The following ALCAM variants were observed in gnomAD, a reference collection of about 807,000 sequenced individuals.
ALCAM encodes CD166 antigen.
In ALCAM, 30 loss-of-function variants were observed where a neutral mutation model predicts 70.9. The ratio of observed to expected loss-of-function variants is 0.42; its 90% CI spans 0.32 to 0.57. The LOEUF (loss-of-function observed/expected upper bound fraction) is 0.57. Among genes scored for constraint, ALCAM ranks in the 20% least tolerant of loss-of-function variants. The probability of loss-of-function intolerance (pLI) is 0.11; values close to 1 mark genes in which losing one functional copy is unlikely to be tolerated. For synonymous variants in ALCAM, 249 were observed against 242.5 expected (o/e 1.03, Z -0.25); for missense variants, 591 against 695.1 (o/e 0.85, Z 1.68).
intron 1 of ALCAM, among the ~76,000 whole-genome samples, chr3:105,379,865 A>G (rs1213755151): frequency 1.3e-5 from 2 of 151,816 alleles, no homozygotes; most frequent in Non-Finnish European, 3.0e-5. Context: ...TGCTTCCACA[A>G]ATAATATGTG....
chr3:105,426,826 A>G (rs1019335345), intron 1 of ALCAM, among the ~76,000 whole-genome samples: 1 of 151,690 alleles, frequency 6.6e-6, no homozygotes, highest in South Asian at 2.1e-4. Flanking sequence ...GATTGCCCCC[A>G]CCTCCCAAAA....
intron 1 of ALCAM, among the ~76,000 whole-genome samples, chr3:105,471,345 G>A (rs1459347004): frequency 6.6e-6 from 1 of 151,292 alleles, no homozygotes; most frequent in African/African-American, 2.4e-5. Context: ...ATGGAAAAAT[G>A]TCATTTTCTA....
chr3:105,377,949 A>G (rs1220252488), intron 1 of ALCAM, among the ~76,000 whole-genome samples: 2 of 152,066 alleles, frequency 1.3e-5, no homozygotes, highest in African/African-American at 2.4e-5. Flanking sequence ...TAAACCCTGT[A>G]TAATAGTCAT....
Position 105,422,034 on chromosome 3 carries a change from C to G in ALCAM, c.73+54553C>G, listed in dbSNP as rs1297549541. 3.3e-5 allele frequency among the ~76,000 whole-genome samples: 5 copies of G among 151,542 alleles called. No homozygotes were observed. The East Asian group carries it at 9.7e-4, about 29-fold the overall frequency. ...AGTCTTCAGGGTCCATTATATCACT[C>G]TGTATGCTTTTGCATACTCACAGCT... is the stretch of plus-strand genomic sequence containing the variant. On this transcript the variant is annotated intron_variant, in intron 1 of 15. Transcript: ENST00000306107.
chr3:105,367,631 G>T (rs1935099463), intron 1 of ALCAM, 150 bp downstream of exon 1: 8 of 888,648 alleles, frequency 9.0e-6, no homozygotes, highest in Non-Finnish European at 1.4e-5. Context: ...CTGTCCCCGG[G>T]CTCGGTCACC....
chr3:105,439,468 G>A (rs1276591900), intron 1 of ALCAM: 2 of 152,012 alleles, frequency 1.3e-5, no homozygotes, highest in African/African-American at 4.8e-5. Context: ...AAGTCATATG[G>A]AATACTCCTG....
chr3:105,514,180 G>A (rs1227894398), intron 1 of ALCAM, among the ~76,000 whole-genome samples: 1 of 151,968 alleles, frequency 6.6e-6, no homozygotes, highest in East Asian at 1.9e-4. Flanking sequence ...TAAGGAAAAG[G>A]CCTCTGTATT....
At chr3:105,428,757 A>G (rs1936857604) in intron 1 of ALCAM, among the ~76,000 whole-genome samples, 1 of 152,044 alleles carries the variant, frequency 6.6e-6, no homozygotes, top group Admixed American at 6.6e-5. Flanking sequence ...CTACTGAAGT[A>G]AATAAATTGA....
chr3:105,413,176 AATG>A (rs1171703047), intron 1 of ALCAM, among the ~76,000 whole-genome samples: 2 of 152,102 alleles, frequency 1.3e-5, no homozygotes, highest in Admixed American at 6.6e-5. Context: ...AAATGTGAAT[AATG>A]ATATTATTTA....
intron 1 of ALCAM, among the ~76,000 whole-genome samples, chr3:105,450,051 A>C (rs775444336): frequency 6.6e-6 from 1 of 152,206 alleles, no homozygotes; most frequent in Non-Finnish European, 1.5e-5. Flanking sequence ...AGTGTGCTGT[A>C]TGTTTACTAC....
At chr3:105,563,988 A>T (rs1208089778) in intron 14 of ALCAM, among the ~76,000 whole-genome samples, 1 of 151,902 alleles carries the variant, frequency 6.6e-6, no homozygotes, top group African/African-American at 2.4e-5. Flanking sequence ...CGCCCGGCCC[A>T]TTTCTTATTT....
intron 8 of ALCAM, among the ~76,000 whole-genome samples, chr3:105,543,776 C>G (rs1940178369): frequency 1.3e-5 from 2 of 151,668 alleles, no homozygotes; most frequent in African/African-American, 4.8e-5. Context: ...ACAAAAACTT[C>G]TAACTCATCC....
intron 1 of ALCAM, among the ~76,000 whole-genome samples, chr3:105,403,128 G>A (rs552100188): frequency 1.1e-4 from 17 of 151,968 alleles, no homozygotes; most frequent in Admixed American, 8.5e-4. Context: ...TGTATTTTCA[G>A]TAGAGACGGG....
intron 1 of ALCAM, among the ~76,000 whole-genome samples, chr3:105,410,861 G>T (rs550733973): frequency 2.0e-5 from 3 of 152,020 alleles, no homozygotes; most frequent in Admixed American, 6.6e-5. Flanking sequence ...GTTATGAAAT[G>T]ATAATTATAT....
chr3:105,553,043 T>C (rs1559654383), intron 14 of ALCAM: 6 of 998,706 alleles, frequency 6.0e-6, no homozygotes, highest in Non-Finnish European at 7.2e-6. Flanking sequence ...TACTCCCATA[T>C]TCTAGTTAGT....
At chr3:105,422,018 G>C (rs1297630038) in intron 1 of ALCAM, among the ~76,000 whole-genome samples, 2 of 150,606 alleles carry the variant, frequency 1.3e-5, no homozygotes, top group Admixed American at 1.3e-4. Flanking sequence ...GAGTCTTCAG[G>C]GTCCATTATA....
In ALCAM at chr3:105,424,768, G is replaced by A. The variant is rs114488594; in HGVS notation, c.73+57287G>A. Among the ~76,000 whole-genome samples the A allele has an allele frequency of 5.6e-3, 845 of 151,650 alleles. 7 individuals are homozygous for A. The highest frequency in any genetic ancestry group is 0.02 in the African/African-American group (815 of 41,414). On this transcript the variant is annotated intron_variant, in intron 1 of 15. Coordinates refer to ENST00000306107, the MANE Select transcript of ALCAM (RefSeq NM_001627.4). Reference sequence around the variant, plus strand: ...CACACAGCCAGACTAAAATGGTGTCGGTTAATAAAACCATGTCCAGAAAAC... The same window carrying A: ...CACACAGCCAGACTAAAATGGTGTCAGTTAATAAAACCATGTCCAGAAAAC...
Position 105,576,224 on chromosome 3 carries a change from G to A in ALCAM, c.*1773G>A, listed in dbSNP as rs1432945455. On this transcript the variant is annotated 3_prime_UTR_variant, in exon 16 of 16. Transcript: ENST00000306107. ...GGTCAACATTTAAACCAAAGTAAAAGGGGAAAAACCAAAGTTATTTGTTTT... is the reference window on the plus strand; with the variant it reads ...GGTCAACATTTAAACCAAAGTAAAAAGGGAAAAACCAAAGTTATTTGTTTT... 1.3e-5 allele frequency: 2 copies of A among 152,498 alleles called. No individual in the cohort carries two copies. The highest frequency in any genetic ancestry group is 4.8e-5 in the African/African-American group (2 of 41,430). The allele number at this position is 152,498 out of a possible 1,614,324, so 9.4% of individuals were successfully genotyped here.
chr3:105,556,341 A>C (rs1228004063), intron 14 of ALCAM, among the ~76,000 whole-genome samples: 1 of 152,070 alleles, frequency 6.6e-6, no homozygotes, highest in Non-Finnish European at 1.5e-5. Flanking sequence ...AACTGGAAGC[A>C]AGTGTTAACC....
Sources: gnomAD v4.1 joint callset for allele counts (sites outside exome capture counted in the v4.1 genomes callset) on GRCh38, gnomAD v4.1.1 for gene constraint, MANE v1.5 for transcripts, NCBI Gene and HGNC (gene_info 2026-07-23, HGNC 2026-07-21) for gene names.